NLRX1: variants seen among roughly 807,000 people sequenced by gnomAD.
NLRX1 encodes NLR family member X1, also known as NOD-like receptor X1.
Under a neutral mutation model 74.2 loss-of-function variants are expected in NLRX1, and 67 were observed. That is an observed-to-expected ratio of 0.90 (90% CI 0.74 to 1.11). The LOEUF (loss-of-function observed/expected upper bound fraction) is 1.11, where lower values mean the gene tolerates loss of function less well. Among genes scored for constraint, NLRX1 ranks in the 50% least tolerant of loss-of-function variants. The pLI is 0.00. For synonymous variants in NLRX1, 506 were observed against 559.1 expected, an observed-to-expected ratio of 0.91 and a Z score of 1.34; for missense variants, 1,191 against 1,305.4, an observed-to-expected ratio of 0.91 and a Z score of 1.35.
chr11:119,175,386 G>A (rs1293829428), intron 6 of NLRX1, 112 bp downstream of exon 6: 3 of 866,716 alleles, frequency 3.5e-6, no homozygotes, highest in South Asian at 3.3e-5. Context: ...CTCCCAGCAG[G>A]AAACTGCTGC....
rs759377159 is a variant in NLRX1, at chr11:119,173,881, C to T, written c.632C>T (p.Ser211Phe). Residue 211 changes from serine (S) to phenylalanine (F), a missense_variant, in exon 5 of 10, where the codon TCC becomes TTC. By Grantham distance (155) the Ser-to-Phe change is radical. Coordinates refer to ENST00000409109, the MANE Select transcript of NLRX1 (RefSeq NM_001282144.2). This position sits in a 1 kb window ranked among gnomAD's most constrained non-coding sequence, Gnocchi z 4.0. ...DLSSLGPAPASLCQLVAQRYT... is the reference protein window; with the variant it reads ...DLSSLGPAPAFLCQLVAQRYT... ...TCATCCCTGGGCCCTGCCCCAGCCTCCCTGTGCCAACTTGTGGCCCAGCGC... is the reference window on the plus strand; with the variant it reads ...TCATCCCTGGGCCCTGCCCCAGCCTTCCTGTGCCAACTTGTGGCCCAGCGC... The T allele has an allele frequency of 2.5e-6, 4 of 1,613,590 alleles. No homozygotes were observed. The highest frequency in any genetic ancestry group is 2.2e-5 in the South Asian group (2 of 91,088).
At chr11:119,172,605 G>A (rs887934394) in intron 3 of NLRX1, among the ~76,000 whole-genome samples, 180 bp downstream of exon 3, 1 of 152,176 alleles carries the variant, frequency 6.6e-6, no homozygotes, top group Non-Finnish European at 1.5e-5. Flanking sequence ...ATCATCTGTG[G>A]TAGAAGGCAT....
chr11:119,173,938 T>G lies in NLRX1; in HGVS notation c.689T>G (p.Met230Arg). The change falls in exon 5 of 10, where the codon ATG becomes AGG. Residue 230 changes from methionine to arginine, a missense_variant. Physicochemically the swap from Met to Arg is moderately conservative, Grantham distance 91 (BLOSUM62 -1). Transcript: ENST00000409109. The surrounding 1 kb of genome is among the most constrained non-coding windows in gnomAD (Gnocchi z 4.0). ...YTPLKEVLPL[M>R]AAAGSHLLFV... ...CCCCTGAAGGAGGTTCTGCCCCTGA[T>G]GGCTGCTGCTGGGTCCCACCTCCTC... The G allele has an allele frequency of 6.2e-7, 1 of 1,613,994 alleles. No homozygotes were observed.
At position 119,172,346 on chromosome 11, in the gene NLRX1, C is replaced by T. The variant is rs201371895; in HGVS notation, c.71-10C>T. 2.5e-5 allele frequency: 41 copies of T among 1,608,926 alleles called. No individual in the cohort carries two copies. Among genetic ancestry groups the T allele is most frequent in the Middle Eastern group, 3.3e-4 (2 of 6,078 alleles). The stretch of plus-strand genomic sequence containing the variant: ...GATCTGCAGATGCTATTTCTTCCTT[C>T]TCTCTGTAGATGATCGTATCCCCTT... On this transcript the variant is annotated splice_polypyrimidine_tract_variant and intron_variant, in intron 2 of 9. Transcript: ENST00000409109.
chr11:119,178,913 G>A (rs1473254190), intron 6 of NLRX1, among the ~76,000 whole-genome samples: 2 of 152,114 alleles, frequency 1.3e-5, no homozygotes, highest in Non-Finnish European at 2.9e-5. Context: ...TAGAACTCCT[G>A]GGCTCAAGTG....
intron 9 of NLRX1, 65 bp downstream of exon 9, chr11:119,182,410 TC>T: frequency 6.4e-7 from 1 of 1,562,460 alleles, no homozygotes; most frequent in Non-Finnish European, 8.7e-7. Context: ...TCAACTGTGC[TC>T]CTCCAATCCT....
rs747505786 is a variant in NLRX1 at position 119,179,875 on chromosome 11, A to C, written c.1854A>C (p.Glu618Asp). 1 of 1,613,690 alleles carries C rather than the reference A, an allele frequency of 6.2e-7. No homozygotes were observed. The highest frequency in any genetic ancestry group is 1.1e-5 in the South Asian group (1 of 91,050). ...ACCCAGATGAGCCCCCTGAGGATGA[A>C]GTCTTCGAGCTCTTCCCCATGTTCA... ...RRHPDEPPED[E>D]VFELFPMFMG... The change falls in exon 7 of 10, where the codon GAA becomes GAC. Residue 618 changes from glutamate to aspartate, a missense_variant. By Grantham distance (45) the Glu-to-Asp change is conservative. Transcript: ENST00000409109.
Position 119,179,927 on chromosome 11 carries a change from C to A in NLRX1, c.1906C>A (p.Arg636=). The change falls in exon 7 of 10, where the codon CGA becomes AGA. Residue 636 remains arginine, a synonymous_variant. Transcript: ENST00000409109. ...FMGGLLSAHN[R]AVLAQLGCPI... Reference sequence around the variant, plus strand: ...GGGGGGGCTTCTCTCTGCCCACAACCGAGCTGTGCTAGCTCAGCTTGGCTG... The same window carrying A: ...GGGGGGGCTTCTCTCTGCCCACAACAGAGCTGTGCTAGCTCAGCTTGGCTG... 1 of 1,611,824 alleles carries A rather than the reference C, an allele frequency of 6.2e-7. No individual in the cohort carries two copies. Among genetic ancestry groups the A allele is most frequent in the Non-Finnish European group, 8.5e-7 (1 of 1,178,288 alleles).
intron 6 of NLRX1, among the ~76,000 whole-genome samples, chr11:119,178,115 C>T (rs1041443495): frequency 6.6e-6 from 1 of 152,144 alleles, no homozygotes; most frequent in African/African-American, 2.4e-5. Context: ...CTACAGTGAG[C>T]TATGATCACA....
At position 119,173,561 on chromosome 11, in the gene NLRX1, T is replaced by C; in HGVS notation, c.312T>C (p.Phe104=). The C allele has an allele frequency of 1.2e-6, 2 of 1,614,170 alleles. No homozygotes were observed. Among genetic ancestry groups the C allele is most frequent in the Non-Finnish European group, 1.7e-6 (2 of 1,180,038 alleles). ...PREERQFGPT[F]ALDTVHVDPV... ...AGGAGCGCCAGTTTGGCCCAACCTT[T>C]GCCCTAGACACGGTCCACGTTGACC... Residue 104 remains phenylalanine (F), a synonymous_variant, in exon 5 of 10, where the codon TTT becomes TTC. Coordinates refer to ENST00000409109, the MANE Select transcript of NLRX1 (RefSeq NM_001282144.2). This position sits in a 1 kb window ranked among gnomAD's most constrained non-coding sequence, Gnocchi z 4.0.
At chr11:119,180,373 AGAGGTACCGAT>A (rs1948806875) in intron 7 of NLRX1, 85 bp downstream of exon 7, 6 of 1,143,732 alleles carry the variant, frequency 5.2e-6, no homozygotes, top group Non-Finnish European at 3.6e-6. Context: ...CAGGGAAACC[AGAGGTACCGAT>A]GAGTGACCAG....
rs987738912 is a variant in NLRX1, at chr11:119,179,759, C to T, written c.1738C>T (p.Leu580=). ...SREAVAQAMV[L]EMFREEDYYN... ...GGAGGCGGTGGCTCAGGCCATGGTG[C>T]TGGAGATGTTTCGAGAGGAGGACTA... is the stretch of plus-strand genomic sequence containing the variant. The change falls in exon 7 of 10, where the codon CTG becomes TTG. Residue 580 remains leucine (L), a synonymous_variant. Transcript: ENST00000409109. The T allele has an allele frequency of 1.1e-5, 17 of 1,613,984 alleles. No individual in the cohort carries two copies. The highest frequency in any genetic ancestry group is 1.4e-5 in the Non-Finnish European group (17 of 1,180,002).
Position 119,171,408 on chromosome 11 carries a change from G to A in NLRX1, c.5G>A (p.Arg2Lys), listed in dbSNP as rs1371331849. The change falls in exon 2 of 10, where the codon AGG (arginine) becomes AAG (lysine). Residue 2 changes from arginine to lysine, a missense_variant. Coordinates refer to ENST00000409109, the MANE Select transcript of NLRX1 (RefSeq NM_001282144.2). MRWGHHLPRASW... is the reference protein window; with the variant it reads MKWGHHLPRASW... ...GCTCTGACCTTCTTTCCCAGGATGAGGTGGGGCCACCATTTGCCCAGGGCC... is the reference window on the plus strand; with the variant it reads ...GCTCTGACCTTCTTTCCCAGGATGAAGTGGGGCCACCATTTGCCCAGGGCC... The A allele has an allele frequency of 6.2e-7, 1 of 1,613,888 alleles. No homozygotes were observed.
rs1592333739 is a variant in NLRX1, at chr11:119,179,707, G to A, written c.1686G>A (p.Val562=). 6.2e-7 allele frequency: 1 copy of A among 1,604,290 alleles called. No individual in the cohort carries two copies. Among genetic ancestry groups the A allele is most frequent in the Non-Finnish European group, 8.5e-7 (1 of 1,173,510 alleles). The change falls in exon 7 of 10, where the codon GTG becomes GTA. Residue 562 remains valine (V), a synonymous_variant. Transcript: ENST00000409109. ...TTCTTTTTCAGGTGGTTCCACGAGT[G>A]TTTGGGCGCATGGTGGGTAAAAGCC... ...LFNLIKVVPR[V]FGRMVGKSRE... is the part of the protein sequence containing the mutation.
At position 119,173,834 on chromosome 11, in the gene NLRX1, C is replaced by A. The variant is rs144115413; in HGVS notation, c.585C>A (p.Ile195=). The A allele has an allele frequency of 1.2e-6, 2 of 1,613,642 alleles. No individual in the cohort carries two copies. The highest frequency in any genetic ancestry group is 1.7e-6 in the Non-Finnish European group (2 of 1,180,030). Residue 195 remains isoleucine, a synonymous_variant, in exon 5 of 10, where the codon ATC becomes ATA. Coordinates refer to ENST00000409109, the MANE Select transcript of NLRX1 (RefSeq NM_001282144.2). This position sits in a 1 kb window ranked among gnomAD's most constrained non-coding sequence, Gnocchi z 4.0. The part of the protein sequence containing the change: ...YGRLPAFELL[I]PFSCEDLSSL... ...GGCTGCCGGCCTTCGAGCTGCTCAT[C>A]CCCTTCTCCTGTGAGGACCTGTCAT...
At position 119,174,889 on chromosome 11, in the gene NLRX1, T is replaced by C. The variant is rs562469752; in HGVS notation, c.1286T>C (p.Met429Thr). The C allele has an allele frequency of 3.1e-6, 5 of 1,614,068 alleles. No homozygotes were observed. The South Asian group carries it at 5.5e-5, about 18-fold the overall frequency. The change falls in exon 6 of 10, where the codon ATG becomes ACG. Residue 429 changes from methionine (M) to threonine (T), a missense_variant. Coordinates refer to ENST00000409109, the MANE Select transcript of NLRX1 (RefSeq NM_001282144.2). ...LSLMAYAARTMGKLAYEGVSS... is the reference protein window; with the variant it reads ...LSLMAYAARTTGKLAYEGVSS... ...CTGATGGCCTATGCAGCCCGAACCA[T>C]GGGCAAGTTGGCCTATGAGGGGGTG...
In NLRX1 at chr11:119,182,350, G is replaced by A; in HGVS notation, c.2606+5G>A. The A allele has an allele frequency of 1.9e-6, 3 of 1,608,942 alleles. No homozygotes were observed. In the South Asian group the frequency reaches 3.3e-5, roughly 18 times the overall value. ...CCCTTCCCTGGAACTGCTACAGTGA[G>A]TCCTGTCCCTGGTCCCATTGCCCCC... On this transcript the variant is annotated splice_donor_5th_base_variant and intron_variant, in intron 9 of 9. Transcript: ENST00000409109.
chr11:119,173,783 G>A lies in NLRX1; in HGVS notation c.534G>A (p.Lys178=), dbSNP rs1325066187. The A allele has an allele frequency of 1.2e-6, 2 of 1,613,536 alleles. No individual in the cohort carries two copies. The highest frequency in any genetic ancestry group is 1.7e-6 in the Non-Finnish European group (2 of 1,180,052). Residue 178 remains lysine (K), a synonymous_variant, in exon 5 of 10, where the codon AAG becomes AAA. Coordinates refer to ENST00000409109, the MANE Select transcript of NLRX1 (RefSeq NM_001282144.2). This position sits in a 1 kb window ranked among gnomAD's most constrained non-coding sequence, Gnocchi z 4.0. ...VGTGKSTLVR[K]MVLDWCYGRL... ...CAGGCAAGAGCACGCTGGTGCGCAAGATGGTTCTGGACTGGTGTTATGGGC... is the reference window on the plus strand; with the variant it reads ...CAGGCAAGAGCACGCTGGTGCGCAAAATGGTTCTGGACTGGTGTTATGGGC...
In NLRX1 at chr11:119,174,993, C is replaced by T. The variant is rs757734557; in HGVS notation, c.1390C>T (p.Gln464Ter). 1.2e-6 allele frequency: 2 copies of T among 1,614,078 alleles called. No individual in the cohort carries two copies. Among genetic ancestry groups the T allele is most frequent in the African/African-American group, 1.3e-5 (1 of 75,076 alleles). ...EAGIRTEEEF[Q>*]LLHIFRRDAL... is the part of the protein sequence containing the mutation. ...TGGCATCAGGACGGAGGAGGAGTTT[C>T]AGCTGCTGCACATCTTCCGTCGGGA... Residue 464 changes from glutamine (Q) to a stop codon, truncating the protein, a stop_gained, in exon 6 of 10, where the codon CAG (glutamine) becomes TAG (stop). Coordinates refer to ENST00000409109, the MANE Select transcript of NLRX1 (RefSeq NM_001282144.2). LOFTEE classifies it high-confidence loss of function.
Sources: allele counts gnomAD v4.1 joint callset (sites outside exome capture counted in the v4.1 genomes callset), GRCh38; gene constraint gnomAD v4.1.1; non-coding constraint Gnocchi (gnomAD v3.1); transcripts MANE v1.5; gene names NCBI Gene and HGNC (gene_info 2026-07-23, HGNC 2026-07-21).